DPF3: variants seen among roughly 807,000 people sequenced by gnomAD.
The protein encoded by DPF3 is zinc finger protein DPF3.
In DPF3, 18 loss-of-function variants were observed where a neutral mutation model predicts 56.8. The observed-to-expected ratio is 0.32, with a 90% CI of 0.22 to 0.47. The LOEUF (loss-of-function observed/expected upper bound fraction) is 0.47, where lower values mean the gene tolerates loss of function less well. DPF3 is among the 20% of genes least tolerant of loss of function. The probability of loss-of-function intolerance (pLI) is 1.00; values close to 1 mark genes in which losing one functional copy is unlikely to be tolerated. For synonymous variants in DPF3, 188 were observed against 180.2 expected (o/e 1.04, Z -0.35); for missense variants, 403 against 488.8 (o/e 0.82, Z 1.65).
rs1455411556 is a variant in DPF3 at position 72,613,042 on chromosome 14, G to GTGCACGCACGCGCA, written c.*6241_*6254dup. On this transcript the variant is annotated 3_prime_UTR_variant, in exon 11 of 11. Transcript: ENST00000556509. Reference sequence around the variant, plus strand: ...TGTGTGTGTGTGTGTATGTGCGTGCGTGCACGCACGCGCATGCACATGGGC... The same window carrying GTGCACGCACGCGCA: ...TGTGTGTGTGTGTGTATGTGCGTGCGTGCACGCACGCGCATGCACGCACGCGCATGCACATGGGC... Among the ~76,000 whole-genome samples the GTGCACGCACGCGCA allele has an allele frequency of 2.0e-5, 3 of 151,162 alleles. No homozygotes were observed. The highest frequency in any genetic ancestry group is 2.1e-4 in the South Asian group (1 of 4,778).
At chr14:72,793,747 A>G in intron 1 of DPF3, among the ~76,000 whole-genome samples, 1 of 152,224 alleles carries the variant, frequency 6.6e-6, no homozygotes, top group East Asian at 1.9e-4. Context: ...CCTTGCATAG[A>G]TGATGCTGGC....
In DPF3 at chr14:72,892,530, G is replaced by A. The variant is rs1886793593; in HGVS notation, c.32+1527C>T. 12 of 1,390,302 alleles carry A rather than the reference G, an allele frequency of 8.6e-6. No individual in the cohort carries two copies. In the South Asian group the frequency reaches 2.1e-4, roughly 25 times the overall value. 86.1% of individuals were successfully genotyped at this position (1,390,302 alleles called of 1,614,324 possible). ...CCTTTCCCTATTTCTGATGGGCGAC[G>A]AGCTGGCGCAAACACGTCCGATTCT... On this transcript the variant is annotated intron_variant, in intron 1 of 10. Coordinates refer to ENST00000556509, the MANE Select transcript of DPF3 (RefSeq NM_001280542.3).
At chr14:72,749,483 G>A (rs865849878) in intron 3 of DPF3, among the ~76,000 whole-genome samples, 11 of 152,212 alleles carry the variant, frequency 7.2e-5, no homozygotes, top group South Asian at 2.1e-4. Flanking sequence ...ATGCTGAAAC[G>A]AGTTGAGACT....
rs1042072869 is a variant in DPF3, at chr14:72,617,609, G to A, written c.*1688C>T. ...TGCAGGAGAGTGACCCCCATCGCTT[G>A]CCACAGGTCACTCTGCTGAAGCGTG... On this transcript the variant is annotated 3_prime_UTR_variant, in exon 11 of 11. Transcript: ENST00000556509. Among the ~76,000 whole-genome samples, 1 of 152,178 alleles carries A rather than the reference G, an allele frequency of 6.6e-6. No individual in the cohort carries two copies. The highest frequency in any genetic ancestry group is 6.5e-5 in the Admixed American group (1 of 15,284).
chr14:72,733,831 T>TC (rs1219107022), intron 3 of DPF3, among the ~76,000 whole-genome samples: 2 of 151,932 alleles, frequency 1.3e-5, no homozygotes, highest in African/African-American at 4.8e-5. Flanking sequence ...GTCTGACCAA[T>TC]CCATGAGGAA....
At chr14:72,874,839 T>C (rs1430326062) in intron 1 of DPF3, among the ~76,000 whole-genome samples, 1 of 152,220 alleles carries the variant, frequency 6.6e-6, no homozygotes, top group Non-Finnish European at 1.5e-5. Context: ...CACTTCCACA[T>C]TTTCGGGTAT....
chr14:72,649,063 C>T (rs1307618656), intron 8 of DPF3, among the ~76,000 whole-genome samples: 1 of 152,108 alleles, frequency 6.6e-6, no homozygotes, highest in East Asian at 1.9e-4. Context: ...TCTCCCAGTT[C>T]TTCCTTTTAT....
intron 1 of DPF3, among the ~76,000 whole-genome samples, chr14:72,890,804 ACCTGCCGTGTCC>A (rs1886721297): frequency 6.6e-6 from 1 of 152,184 alleles, no homozygotes; most frequent in Non-Finnish European, 1.5e-5. Context: ...TGTGGGGGCC[ACCTGCCGTGTCC>A]CCTTTGTGAT....
intron 1 of DPF3, among the ~76,000 whole-genome samples, chr14:72,866,944 A>T (rs1207724604): frequency 6.7e-6 from 1 of 150,128 alleles, no homozygotes; most frequent in African/African-American, 2.4e-5. Context: ...TCATTTTCTA[A>T]GGGTATTCTT....
At position 72,862,122 on chromosome 14, in the gene DPF3, A is replaced by T. The variant is rs533028946; in HGVS notation, c.32+31935T>A. Among the ~76,000 whole-genome samples, 19 of 152,300 alleles carry T rather than the reference A, an allele frequency of 1.2e-4. No homozygotes were observed. The East Asian group carries it at 3.7e-3, about 29-fold the overall frequency. On this transcript the variant is annotated intron_variant, in intron 1 of 10. Coordinates refer to ENST00000556509, the MANE Select transcript of DPF3 (RefSeq NM_001280542.3). ...GCTTTAAGAATGGGAGCTCAGTGGC[A>T]CACGACCTGAGTTAGTTCCCTGTGC...
At chr14:72,625,312 T>C (rs752721248) in intron 9 of DPF3, among the ~76,000 whole-genome samples, 2 of 152,204 alleles carry the variant, frequency 1.3e-5, no homozygotes, top group Non-Finnish European at 2.9e-5. Flanking sequence ...ATTTATTTTT[T>C]CTTTAGGTTA....
intron 1 of DPF3, among the ~76,000 whole-genome samples, chr14:72,874,905 C>T (rs1886051007): frequency 1.3e-5 from 2 of 152,208 alleles, no homozygotes; most frequent in African/African-American, 2.4e-5. Context: ...TCCATTTTCA[C>T]ACAGCTGATA....
chr14:72,803,435 A>G (rs1372245853), intron 1 of DPF3, among the ~76,000 whole-genome samples: 2 of 152,146 alleles, frequency 1.3e-5, no homozygotes, highest in East Asian at 3.8e-4. Flanking sequence ...ATTACCACAA[A>G]ACACTCCAAG....
rs116072375 is a variant in DPF3, at chr14:72,677,697, A to G, written c.743-3329T>C. ...GCCCTGGGAGCACCGGATATCATTC[A>G]CTGCCCCTGGTTTATTTCCCTACCA... On this transcript the variant is annotated intron_variant, in intron 7 of 10. Coordinates refer to ENST00000556509, the MANE Select transcript of DPF3 (RefSeq NM_001280542.3). Among the ~76,000 whole-genome samples, 1,139 of 152,246 alleles carry G rather than the reference A, an allele frequency of 7.5e-3. 21 individuals are homozygous for G. Among genetic ancestry groups the G allele is most frequent in the African/African-American group, 0.026 (1,097 of 41,540 alleles).
intron 8 of DPF3, chr14:72,671,097 G>A (rs770784933): frequency 1.9e-6 from 3 of 1,608,766 alleles, no homozygotes; most frequent in Non-Finnish European, 2.5e-6. Flanking sequence ...CAAAGTCAGA[G>A]GGGGATGGCT....
chr14:72,711,167 G>A (rs1186796476), intron 6 of DPF3, among the ~76,000 whole-genome samples: 1 of 152,172 alleles, frequency 6.6e-6, no homozygotes, highest in African/African-American at 2.4e-5. Flanking sequence ...TGGGGTCCAA[G>A]GTGATCTAAT....
chr14:72,843,996 G>T (rs1884653416), intron 1 of DPF3, among the ~76,000 whole-genome samples: 1 of 152,220 alleles, frequency 6.6e-6, no homozygotes, highest in Admixed American at 6.5e-5. Flanking sequence ...AAGTCACACA[G>T]CTAATAAGTG....
intron 1 of DPF3, among the ~76,000 whole-genome samples, chr14:72,890,618 T>C (rs1225841989): frequency 1.3e-5 from 2 of 152,190 alleles, no homozygotes; most frequent in African/African-American, 4.8e-5. Context: ...CTGCATGTGT[T>C]TACTTCACTA....
intron 1 of DPF3, among the ~76,000 whole-genome samples, chr14:72,810,993 C>T (rs61986318): frequency 0.23 from 34,321 of 152,118 alleles, 4,920 homozygotes; most frequent in Non-Finnish European, 0.31. Flanking sequence ...ACCACGGTGC[C>T]GGCATCTGCT....
Sources: allele counts gnomAD v4.1 joint callset (sites outside exome capture counted in the v4.1 genomes callset), GRCh38; gene constraint gnomAD v4.1.1; transcripts MANE v1.5; gene names NCBI Gene and HGNC (gene_info 2026-07-23, HGNC 2026-07-21).